The following CTNNA2 variants were observed in gnomAD, a reference collection of about 807,000 sequenced individuals.
The protein encoded by CTNNA2 is catenin alpha 2, also known as catenin alpha-2.
In CTNNA2, 42 loss-of-function variants were observed where a neutral mutation model predicts 101.0. That is an observed-to-expected ratio of 0.42 (90% confidence interval 0.32 to 0.54). The LOEUF is 0.54. CTNNA2 is among the 20% of genes least tolerant of loss of function. CTNNA2 has a pLI of 0.14. For missense variants in CTNNA2, 871 were observed against 1,223.1 expected, an observed-to-expected ratio of 0.71 and a Z score of 4.29; for synonymous variants, 450 against 456.4, an observed-to-expected ratio of 0.99 and a Z score of 0.18.
intron 2 of CTNNA2, among the ~76,000 whole-genome samples, chr2:79,236,427 C>A (rs1674558464): frequency 6.6e-6 from 1 of 152,178 alleles, no homozygotes; most frequent in African/African-American, 2.4e-5. Flanking sequence ...ACCACTGCAC[C>A]TTTAAGTCAT....
At chr2:80,513,359 T>G (rs1025981892) in intron 9 of CTNNA2, among the ~76,000 whole-genome samples, 4 of 152,242 alleles carry the variant, frequency 2.6e-5, no homozygotes, top group Non-Finnish European at 5.9e-5. Context: ...ATAACAGTTG[T>G]TTAGCTGGGC....
intron 7 of CTNNA2, among the ~76,000 whole-genome samples, chr2:80,160,529 A>C (rs1704248926): frequency 6.6e-6 from 1 of 152,138 alleles, no homozygotes; most frequent in African/African-American, 2.4e-5. Context: ...TTACATCTAA[A>C]TGTGTTCTTT....
At chr2:80,247,592 TTC>T (rs552913132) in intron 7 of CTNNA2, among the ~76,000 whole-genome samples, 1 of 152,062 alleles carries the variant, frequency 6.6e-6, no homozygotes, top group Non-Finnish European at 1.5e-5. Context: ...TCTTCTGCTT[TTC>T]TCTCTCTCTC....
At chr2:80,610,187 G>C (rs79341523) in intron 17 of CTNNA2, among the ~76,000 whole-genome samples, 2,373 of 151,750 alleles carry the variant, frequency 0.016, 25 homozygotes, top group Non-Finnish European at 0.021. Context: ...TTCCAAGCTT[G>C]ATTGCTGTTT....
At chr2:80,149,142 C>A (rs1188212882) in intron 7 of CTNNA2, among the ~76,000 whole-genome samples, 3 of 151,244 alleles carry the variant, frequency 2.0e-5, no homozygotes, top group Admixed American at 6.6e-5. Context: ...AAGGAATTCT[C>A]CTGACTCAAC....
chr2:79,611,209 G>C (rs1381988589), intron 1 of CTNNA2, among the ~76,000 whole-genome samples: 1 of 152,142 alleles, frequency 6.6e-6, no homozygotes, highest in Non-Finnish European at 1.5e-5. Flanking sequence ...TAAAACTTGA[G>C]TTATTTCTGA....
chr2:79,630,200 G>T (rs994628478), intron 1 of CTNNA2, among the ~76,000 whole-genome samples: 1 of 152,136 alleles, frequency 6.6e-6, no homozygotes, highest in African/African-American at 2.4e-5. Context: ...ACTCACCCAG[G>T]TGCTTCCCCA....
At chr2:79,985,371 A>G (rs1691686348) in intron 7 of CTNNA2, among the ~76,000 whole-genome samples, 1 of 152,108 alleles carries the variant, frequency 6.6e-6, no homozygotes. Context: ...ACAGCCTTTC[A>G]GCATTGCTCA....
chr2:80,101,066 A>C (rs1700513214), intron 7 of CTNNA2, among the ~76,000 whole-genome samples: 1 of 152,162 alleles, frequency 6.6e-6, no homozygotes, highest in African/African-American at 2.4e-5. Flanking sequence ...TAGAAAGGAG[A>C]GGATTGTTTG....
chr2:80,154,182 G>A (rs1384228647), intron 7 of CTNNA2, among the ~76,000 whole-genome samples: 1 of 152,116 alleles, frequency 6.6e-6, no homozygotes, highest in Admixed American at 6.6e-5. Flanking sequence ...CAGTTTATGT[G>A]GTTTGATTAT....
In CTNNA2 at chr2:79,361,388, C is replaced by T. The variant is rs140398898; in HGVS notation, c.-317-12443C>T. Among the ~76,000 whole-genome samples, 394 of 152,184 alleles carry T rather than the reference C, an allele frequency of 2.6e-3. 1 individual carries two copies. Among genetic ancestry groups the T allele is most frequent in the African/African-American group, 8.9e-3 (369 of 41,526 alleles). ...CCCATTTGGCAGAAAAAAAAGGTGA[C>T]AATATCAGAGAGATGAATGGGAAAT... On this transcript the variant is annotated intron_variant, in intron 3 of 21. Coordinates refer to the CTNNA2 transcript ENST00000466387.
intron 7 of CTNNA2, among the ~76,000 whole-genome samples, chr2:80,309,335 C>A (rs141213948): frequency 5.3e-5 from 8 of 152,126 alleles, no homozygotes; most frequent in Non-Finnish European, 8.8e-5. Flanking sequence ...TAACTGACTC[C>A]GAGGCCCCTG....
chr2:80,585,381 T>G (rs1346515011), intron 14 of CTNNA2, among the ~76,000 whole-genome samples: 3 of 152,136 alleles, frequency 2.0e-5, no homozygotes, highest in South Asian at 4.2e-4. Flanking sequence ...GAAGGAATCC[T>G]TTTGGATTAA....
chr2:79,404,848 T>G (rs1678325174), intron 4 of CTNNA2, among the ~76,000 whole-genome samples: 2 of 152,066 alleles, frequency 1.3e-5, no homozygotes, highest in Admixed American at 1.3e-4. Context: ...TGCCCCCTAG[T>G]ATCCCCTACC....
intron 7 of CTNNA2, among the ~76,000 whole-genome samples, chr2:80,318,169 A>T (rs1007851812): frequency 6.6e-6 from 1 of 152,180 alleles, no homozygotes; most frequent in African/African-American, 2.4e-5. Flanking sequence ...ATTTTAGATA[A>T]TAGTCTTTTC....
chr2:79,484,623 G>A (rs74672026), intron 4 of CTNNA2, among the ~76,000 whole-genome samples: 2,932 of 152,258 alleles, frequency 0.019, 93 homozygotes, highest in African/African-American at 0.067. Flanking sequence ...AGGTGCTTGA[G>A]ATGAAAGATG....
At chr2:79,673,463 C>A (rs530080601) in intron 2 of CTNNA2, among the ~76,000 whole-genome samples, 1 of 152,190 alleles carries the variant, frequency 6.6e-6, no homozygotes, top group South Asian at 2.1e-4. Context: ...ATTTACTATG[C>A]TAAATGTAAA....
chr2:79,652,476 A>G (rs777517641), intron 2 of CTNNA2, among the ~76,000 whole-genome samples: 8 of 152,034 alleles, frequency 5.3e-5, no homozygotes, highest in Non-Finnish European at 7.4e-5. Context: ...CCCTTTCTCT[A>G]TATTCAAATC....
chr2:79,353,092 T>A (rs1375633029), intron 3 of CTNNA2, among the ~76,000 whole-genome samples: 1 of 152,154 alleles, frequency 6.6e-6, no homozygotes, highest in East Asian at 1.9e-4. Flanking sequence ...AGGACCCACG[T>A]CCAACACTGG....
Sources: gnomAD v4.1 joint callset for allele counts (sites outside exome capture counted in the v4.1 genomes callset) on GRCh38, gnomAD v4.1.1 for gene constraint, MANE v1.5 for transcripts, NCBI Gene and HGNC (gene_info 2026-07-23, HGNC 2026-07-21) for gene names.